The following UNC79 variants were observed in gnomAD, a reference collection of about 807,000 sequenced individuals.
The protein encoded by UNC79 is unc-79 subunit of NALCN channel complex, also known as protein unc-79 homolog.
UNC79 carries 37 observed loss-of-function variants against 283.1 expected under a neutral mutation model. The ratio of observed to expected loss-of-function variants is 0.13; its 90% CI spans 0.10 to 0.17. The LOEUF is 0.17. Ranked by LOEUF, UNC79 falls within the 10% of genes least tolerant of loss-of-function variation. The pLI is 1.00. For synonymous variants in UNC79, 1,107 were observed against 1,200.2 expected, an observed-to-expected ratio of 0.92 and a Z score of 1.61; for missense variants, 2,272 against 3,211.1, an observed-to-expected ratio of 0.71 and a Z score of 7.07.
At chr14:93,547,865 G>A (rs914765924) in intron 14 of UNC79, among the ~76,000 whole-genome samples, 2 of 151,976 alleles carry the variant, frequency 1.3e-5, no homozygotes, top group Non-Finnish European at 2.9e-5. Flanking sequence ...ATGTTGGCTC[G>A]CACCTGTAGT....
upstream of UNC79, among the ~76,000 whole-genome samples, chr14:93,427,416 T>G (rs1013159307): frequency 6.6e-6 from 1 of 152,160 alleles, no homozygotes; most frequent in Admixed American, 6.6e-5. Flanking sequence ...TGGTATTAAT[T>G]ATAGAAAATT....
intron 14 of UNC79, among the ~76,000 whole-genome samples, chr14:93,554,374 CTGT>C (rs1454895665): frequency 6.7e-6 from 1 of 150,158 alleles, no homozygotes; most frequent in East Asian, 2.0e-4. Flanking sequence ...AAAAAAAATT[CTGT>C]CTCTCTCTTT....
chr14:93,467,663 T>TTTTTTTTTTTTTTTTTG lies in UNC79; in HGVS notation c.23-7_23-6insTTTTTTTTTTTTTTTGT. On this transcript the variant is annotated splice_region_variant and splice_polypyrimidine_tract_variant and intron_variant, in intron 1 of 48. Coordinates refer to ENST00000555664, the Ensembl canonical transcript of UNC79. ...TTTTTTTTTTTTTTTTTTTTTGCTT[T>TTTTTTTTTTTTTTTTTG]TATCTAGTTGCTTCCAAGATCCGGT... The TTTTTTTTTTTTTTTTTG allele has an allele frequency of 8.0e-7, 1 of 1,251,870 alleles. No individual in the cohort carries two copies. The allele number at this position is 1,251,870 out of a possible 1,614,324, so 77.5% of individuals were successfully genotyped here.
chr14:93,693,784 C>T (rs2074884916), intron 46 of UNC79, among the ~76,000 whole-genome samples: 1 of 152,154 alleles, frequency 6.6e-6, no homozygotes, highest in South Asian at 2.1e-4. Context: ...AATCCCCTTA[C>T]CTTGCAAAAG....
chr14:93,515,615 C>T (rs868722565), intron 7 of UNC79, among the ~76,000 whole-genome samples: 7 of 152,098 alleles, frequency 4.6e-5, no homozygotes, highest in Middle Eastern at 3.2e-3. Context: ...TCTGTGGCTA[C>T]TGTAACCACT....
intron 1 of UNC79, among the ~76,000 whole-genome samples, chr14:93,350,620 A>G (rs1409807749): frequency 2.0e-5 from 3 of 152,288 alleles, no homozygotes; most frequent in Admixed American, 6.5e-5. Context: ...ACATTAAAAC[A>G]GGGGTTACTT....
At chr14:93,630,994 G>A (rs2067987668) in intron 31 of UNC79, 86 bp downstream of exon 33, 3 of 1,214,430 alleles carry the variant, frequency 2.5e-6, no homozygotes, top group African/African-American at 1.5e-5. Flanking sequence ...CCCAATCTTG[G>A]TATTGTATAT....
chr14:93,623,259 AAAAT>A (rs776496726), intron 30 of UNC79, among the ~76,000 whole-genome samples: 5 of 152,230 alleles, frequency 3.3e-5, no homozygotes, highest in Non-Finnish European at 5.9e-5. Context: ...TGTGGAGGCT[AAAAT>A]AAAGCAGAGT....
intron 29 of UNC79, 61 bp downstream of exon 30, chr14:93,618,415 T>C (rs1310357258): frequency 5.5e-6 from 8 of 1,445,154 alleles, no homozygotes; most frequent in Non-Finnish European, 7.3e-6. Context: ...CTGGACAATG[T>C]TTTCTTAGGA....
At chr14:93,529,763 T>A (rs977796702) in intron 10 of UNC79, among the ~76,000 whole-genome samples, 1 of 152,146 alleles carries the variant, frequency 6.6e-6, no homozygotes, top group Non-Finnish European at 1.5e-5. Context: ...GGGAAATCAT[T>A]GAATGTCTCT....
chr14:93,633,338 C>T (rs777132902), intron 31 of UNC79, among the ~76,000 whole-genome samples: 4 of 152,248 alleles, frequency 2.6e-5, no homozygotes, highest in South Asian at 2.1e-4. Flanking sequence ...CGTAGCTAAA[C>T]GTGTTGTGAC....
intron 5 of UNC79, among the ~76,000 whole-genome samples, chr14:93,493,895 A>ATTTTT (rs1294529990): frequency 5.6e-5 from 2 of 35,548 alleles, no homozygotes; most frequent in African/African-American, 9.3e-5. Flanking sequence ...ATATATATAT[A>ATTTTT]TATATATTTT....
intron 1 of UNC79, among the ~76,000 whole-genome samples, chr14:93,337,224 C>T (rs140598456): frequency 1.3e-5 from 2 of 152,358 alleles, no homozygotes; most frequent in Non-Finnish European, 2.9e-5. Flanking sequence ...TAAAAACCCC[C>T]AGACCCAGCC....
At chr14:93,546,382 T>C (rs1349921387) in intron 14 of UNC79, among the ~76,000 whole-genome samples, 3 of 152,212 alleles carry the variant, frequency 2.0e-5, no homozygotes, top group Non-Finnish European at 4.4e-5. Context: ...TGTCATTATT[T>C]TCTCACTGTC....
chr14:93,557,585 A>G (rs2062245560), intron 14 of UNC79, among the ~76,000 whole-genome samples: 1 of 152,180 alleles, frequency 6.6e-6, no homozygotes. Flanking sequence ...AAAATTCTAG[A>G]CAGAAAATCA....
chr14:93,630,749 G>C (rs1566816565), intron 30 of UNC79, 52 bp from the exon 33 acceptor site: 2 of 1,459,542 alleles, frequency 1.4e-6, no homozygotes, highest in Non-Finnish European at 1.9e-6. Flanking sequence ...AAAGGTTCTT[G>C]AACTTGCTTT....
intron 2 of UNC79, among the ~76,000 whole-genome samples, chr14:93,471,144 T>C (rs1213643544): frequency 6.6e-6 from 1 of 152,204 alleles, no homozygotes; most frequent in Non-Finnish European, 1.5e-5. Flanking sequence ...AATTGTAATT[T>C]CCAGTTGCTT....
intron 14 of UNC79, among the ~76,000 whole-genome samples, chr14:93,558,218 C>G (rs186903583): frequency 6.6e-6 from 1 of 152,128 alleles, no homozygotes. Context: ...ACAGCAGATT[C>G]GCTACAACCT....
intron 30 of UNC79, among the ~76,000 whole-genome samples, chr14:93,623,796 G>A (rs570623355): frequency 6.6e-6 from 1 of 152,342 alleles, no homozygotes; most frequent in Non-Finnish European, 1.5e-5. Context: ...AGGAGGCTGA[G>A]GCAGGAGAAT....
Sources: allele counts gnomAD v4.1 joint callset (sites outside exome capture counted in the v4.1 genomes callset), GRCh38; gene constraint gnomAD v4.1.1; transcripts MANE v1.5; gene names NCBI Gene and HGNC (gene_info 2026-07-23, HGNC 2026-07-21).